MKX: variants seen among roughly 807,000 people sequenced by gnomAD.
MKX encodes the protein homeobox protein Mohawk.
Under a neutral mutation model 36.0 loss-of-function variants are expected in MKX, and 13 were observed. The observed-to-expected ratio is 0.36, with a 90% CI of 0.24 to 0.57. MKX has a LOEUF of 0.57. MKX is among the 20% of genes least tolerant of loss of function. MKX has a pLI of 0.79. For synonymous variants in MKX, 176 were observed against 178.3 expected (o/e 0.99, Z 0.10); for missense variants, 458 against 456.4 (o/e 1.00, Z -0.03).
chr10:27,701,424 A>G (rs1203206996), intron 5 of MKX, among the ~76,000 whole-genome samples: 2 of 147,100 alleles, frequency 1.4e-5, no homozygotes, highest in Non-Finnish European at 3.0e-5. Flanking sequence ...TTTACTATAG[A>G]TAATATATAT....
At chr10:27,698,460 C>T (rs1396223959) in intron 5 of MKX, among the ~76,000 whole-genome samples, 2 of 151,982 alleles carry the variant, frequency 1.3e-5, no homozygotes, top group Non-Finnish European at 2.9e-5. Flanking sequence ...AGGCAAAATT[C>T]GAGAGATATT....
chr10:27,714,954 G>A (rs970715973), intron 5 of MKX, among the ~76,000 whole-genome samples: 1 of 152,202 alleles, frequency 6.6e-6, no homozygotes, highest in African/African-American at 2.4e-5. Context: ...CTGAGGGCCT[G>A]GACCCTAGAC....
At chr10:27,727,343 G>A (rs752774866) in intron 5 of MKX, among the ~76,000 whole-genome samples, 52 of 152,216 alleles carry the variant, frequency 3.4e-4, no homozygotes, top group Non-Finnish European at 6.5e-4. Context: ...CCCTGAAGGA[G>A]CCAGCACACA....
Position 27,743,427 on chromosome 10 carries a change from G to C in MKX, c.-12C>G, listed in dbSNP as rs372950191. ...ACGATGGTGTTCATGGTGTCGGTTG[G>C]TAGGGACGCGCGGCGCGGCCGCAGA... On this transcript the variant is annotated 5_prime_UTR_variant, in exon 2 of 7. Transcript: ENST00000419761. 2.4e-5 allele frequency: 37 copies of C among 1,533,688 alleles called. No individual in the cohort carries two copies. Among genetic ancestry groups the C allele is most frequent in the Non-Finnish European group, 3.1e-5 (35 of 1,143,706 alleles).
At chr10:27,687,615 CT>C (rs759660317) in intron 5 of MKX, among the ~76,000 whole-genome samples, 6 of 152,170 alleles carry the variant, frequency 3.9e-5, no homozygotes, top group Non-Finnish European at 7.4e-5. Flanking sequence ...GGACTTGCAA[CT>C]TAAAAGTAGC....
At chr10:27,690,899 G>C (rs1589659456) in intron 5 of MKX, among the ~76,000 whole-genome samples, 1 of 152,120 alleles carries the variant, frequency 6.6e-6, no homozygotes, top group South Asian at 2.1e-4. Flanking sequence ...CAGATCATGG[G>C]GTGGTTTCCC....
At chr10:27,680,940 A>G (rs1836243033) in intron 5 of MKX, among the ~76,000 whole-genome samples, 1 of 152,248 alleles carries the variant, frequency 6.6e-6, no homozygotes, top group South Asian at 2.1e-4. Context: ...CACTAGGATT[A>G]TTTGAGTGGG....
chr10:27,693,628 G>A (rs1430441767), intron 5 of MKX, among the ~76,000 whole-genome samples: 1 of 152,154 alleles, frequency 6.6e-6, no homozygotes, highest in Non-Finnish European at 1.5e-5. Flanking sequence ...TACATACTGT[G>A]TTACTGATGT....
chr10:27,687,947 G>A (rs1836387845), intron 5 of MKX, among the ~76,000 whole-genome samples: 1 of 152,174 alleles, frequency 6.6e-6, no homozygotes, highest in Non-Finnish European at 1.5e-5. Context: ...TAGTGTAATG[G>A]TCAGAGTCCA....
At chr10:27,700,004 C>T (rs923774504) in intron 5 of MKX, among the ~76,000 whole-genome samples, 13 of 152,102 alleles carry the variant, frequency 8.5e-5, no homozygotes, top group Non-Finnish European at 1.6e-4. Context: ...GTCATCTGCC[C>T]GCAGATAAAT....
intron 5 of MKX, among the ~76,000 whole-genome samples, chr10:27,708,602 G>C (rs1010462490): frequency 6.6e-6 from 1 of 151,966 alleles, no homozygotes; most frequent in Non-Finnish European, 1.5e-5. Context: ...GGTGGCGTGC[G>C]CCTCTAGTCT....
At chr10:27,685,092 A>G (rs763988409) in intron 5 of MKX, among the ~76,000 whole-genome samples, 10 of 152,180 alleles carry the variant, frequency 6.6e-5, no homozygotes, top group South Asian at 2.1e-4. Flanking sequence ...AGGAACTTGC[A>G]TCTTTGCAAG....
intron 5 of MKX, among the ~76,000 whole-genome samples, chr10:27,685,479 C>T (rs151109573): frequency 0.029 from 4,169 of 143,724 alleles, 212 homozygotes; most frequent in African/African-American, 0.1. Flanking sequence ...GACGGAGTCC[C>T]GCTCTGTTGC....
At chr10:27,728,093 A>C (rs1466545945) in intron 5 of MKX, among the ~76,000 whole-genome samples, 1 of 152,216 alleles carries the variant, frequency 6.6e-6, no homozygotes, top group Non-Finnish European at 1.5e-5. Flanking sequence ...TCTCTGCTGG[A>C]GTACATCAAC....
chr10:27,733,921 C>T (rs1261733825), intron 5 of MKX, among the ~76,000 whole-genome samples: 1 of 152,172 alleles, frequency 6.6e-6, no homozygotes, highest in African/African-American at 2.4e-5. Flanking sequence ...GGAAGCCAGA[C>T]CTATACCTTT....
Position 27,744,486 on chromosome 10 carries a change from C to T in MKX, c.-82-989G>A, listed in dbSNP as rs1835001469. Reference sequence around the variant, plus strand: ...CCTCTGGGGTCGCGGAGGCCCTGAGCCTCTGCCTGCCGCGCACCGGCGTCA... The same window carrying T: ...CCTCTGGGGTCGCGGAGGCCCTGAGTCTCTGCCTGCCGCGCACCGGCGTCA... On this transcript the variant is annotated intron_variant, in intron 1 of 6. Transcript: ENST00000419761. This position sits in a 1 kb window ranked among gnomAD's most constrained non-coding sequence, Gnocchi z 5.6. Among the ~76,000 whole-genome samples, 1 of 152,074 alleles carries T rather than the reference C, an allele frequency of 6.6e-6. No individual in the cohort carries two copies. The highest frequency in any genetic ancestry group is 1.5e-5 in the Non-Finnish European group (1 of 68,006).
chr10:27,682,752 G>A (rs1468044508), intron 5 of MKX, among the ~76,000 whole-genome samples: 9 of 152,040 alleles, frequency 5.9e-5, no homozygotes, highest in Middle Eastern at 3.4e-3. Flanking sequence ...AGGCCGAGGC[G>A]GGTGGATCAC....
Position 27,673,916 on chromosome 10 carries a change from C to A in MKX, c.*1313G>T, listed in dbSNP as rs1021669697. Reference sequence around the variant, plus strand: ...TTACATACCCAGAAAAAAAAAATCCCATCATAAAAAGTCAAACCCTTTTTA... The same window carrying A: ...TTACATACCCAGAAAAAAAAAATCCAATCATAAAAAGTCAAACCCTTTTTA... On this transcript the variant is annotated 3_prime_UTR_variant, in exon 7 of 7. Coordinates refer to ENST00000419761, the MANE Select transcript of MKX (RefSeq NM_173576.3). 26 of 152,000 alleles carry A rather than the reference C, an allele frequency of 1.7e-4. No homozygotes were observed. Among genetic ancestry groups the A allele is most frequent in the African/African-American group, 5.6e-4 (23 of 41,360 alleles). 9.4% of individuals were successfully genotyped at this position (152,000 alleles called of 1,614,324 possible). A position where few individuals can be genotyped will look rare whatever the true frequency, so the allele number is the denominator to read the frequency against.
At chr10:27,690,296 G>GA (rs1836430162) in intron 5 of MKX, among the ~76,000 whole-genome samples, 1 of 7,068 alleles carries the variant, frequency 1.4e-4, no homozygotes, top group Non-Finnish European at 4.1e-4. Flanking sequence ...ATTTGAGCCC[G>GA]GAGGCGGAGG....
Sources: gnomAD v4.1 joint callset for allele counts (sites outside exome capture counted in the v4.1 genomes callset) on GRCh38, gnomAD v4.1.1 for gene constraint, Gnocchi (gnomAD v3.1) non-coding constraint, MANE v1.5 for transcripts, NCBI Gene and HGNC (gene_info 2026-07-23, HGNC 2026-07-21) for gene names.